CTNNA3: variants seen among roughly 807,000 people sequenced by gnomAD.
The protein encoded by CTNNA3 is catenin alpha 3, also known as catenin alpha-3.
In CTNNA3, 76 loss-of-function variants were observed where a neutral mutation model predicts 95.7. The observed-to-expected ratio is 0.79, with a 90% CI of 0.66 to 0.96. The LOEUF (loss-of-function observed/expected upper bound fraction) is 0.96, where lower values mean the gene tolerates loss of function less well. Ranked by LOEUF, CTNNA3 falls within the 40% of genes least tolerant of loss-of-function variation. The pLI is 0.00. For missense variants in CTNNA3, 1,191 were observed against 1,089.8 expected, an observed-to-expected ratio of 1.09 and a Z score of -1.31; for synonymous variants, 431 against 374.4, an observed-to-expected ratio of 1.15 and a Z score of -1.74.
Position 66,214,242 on chromosome 10 carries a change from G to A in CTNNA3, c.1884+66228C>T, listed in dbSNP as rs2088366093. 2.6e-5 allele frequency among the ~76,000 whole-genome samples: 4 copies of A among 152,166 alleles called. No individual in the cohort carries two copies. The South Asian group carries it at 8.3e-4, about 32-fold the overall frequency. ...AGGTGCCCATTGAAATCTGCAGCAT[G>A]CAGTCACACCTGCTTAAGTTGTGCT... On this transcript the variant is annotated intron_variant, in intron 13 of 17. Transcript: ENST00000433211.
At chr10:67,309,356 G>A (rs1840690073) in intron 5 of CTNNA3, among the ~76,000 whole-genome samples, 1 of 152,090 alleles carries the variant, frequency 6.6e-6, no homozygotes, top group Non-Finnish European at 1.5e-5. Context: ...TGATGTTTGT[G>A]GCAAGTCTAA....
At chr10:67,313,637 A>C (rs1428760161) in intron 5 of CTNNA3, among the ~76,000 whole-genome samples, 1 of 152,158 alleles carries the variant, frequency 6.6e-6, no homozygotes, top group African/African-American at 2.4e-5. Flanking sequence ...AATGCCAATT[A>C]GTGGAGCGTA....
intron 7 of CTNNA3, among the ~76,000 whole-genome samples, chr10:67,115,490 A>G (rs563273600): frequency 1.3e-5 from 2 of 151,678 alleles, no homozygotes; most frequent in Admixed American, 1.3e-4. Context: ...AAGTATAATA[A>G]TAATAAAAAA....
chr10:66,435,842 T>G (rs945707728), intron 11 of CTNNA3, among the ~76,000 whole-genome samples: 2 of 152,224 alleles, frequency 1.3e-5, no homozygotes, highest in Admixed American at 1.3e-4. Flanking sequence ...CTCTAAACAC[T>G]GCTTTAGCTG....
At chr10:66,872,728 G>A (rs770448925) in intron 7 of CTNNA3, among the ~76,000 whole-genome samples, 2 of 151,924 alleles carry the variant, frequency 1.3e-5, no homozygotes, top group African/African-American at 2.4e-5. Flanking sequence ...GGTGGTACAC[G>A]TGAAGGTTTG....
intron 3 of CTNNA3, among the ~76,000 whole-genome samples, chr10:67,554,070 C>G (rs925092366): frequency 1.4e-5 from 2 of 145,846 alleles, no homozygotes; most frequent in African/African-American, 5.6e-5. Flanking sequence ...TCATCCATGT[C>G]CCTACAAAGG....
Position 67,650,603 on chromosome 10 carries a change from A to G in CTNNA3, c.-5-3085T>C, listed in dbSNP as rs114064468. Among the ~76,000 whole-genome samples, 1,170 of 152,234 alleles carry G rather than the reference A, an allele frequency of 7.7e-3. 15 individuals carry two copies. The highest frequency in any genetic ancestry group is 0.027 in the African/African-American group (1,132 of 41,534). On this transcript the variant is annotated intron_variant, in intron 1 of 17. Transcript: ENST00000433211. ...CCCTGCTGGAAACTGAACTTTTATC[A>G]TTTTATATCAATTTTAAGTTCATTT...
At chr10:66,530,262 T>C (rs1013169349) in intron 10 of CTNNA3, among the ~76,000 whole-genome samples, 3 of 152,170 alleles carry the variant, frequency 2.0e-5, no homozygotes, top group African/African-American at 4.8e-5. Flanking sequence ...ACTAGATATA[T>C]GATGCCTCGA....
chr10:67,369,201 A>G (rs1197093682), intron 5 of CTNNA3, among the ~76,000 whole-genome samples: 4 of 152,236 alleles, frequency 2.6e-5, no homozygotes, highest in Non-Finnish European at 5.9e-5. Flanking sequence ...AGGAAGAATT[A>G]AAAATCCAAA....
At chr10:66,463,544 T>C (rs536439407) in intron 11 of CTNNA3, among the ~76,000 whole-genome samples, 2 of 152,172 alleles carry the variant, frequency 1.3e-5, no homozygotes, top group South Asian at 4.1e-4. Flanking sequence ...AATAGATCAC[T>C]CTGGGCTAAG....
intron 12 of CTNNA3, among the ~76,000 whole-genome samples, chr10:66,309,984 C>T (rs964489238): frequency 2.3e-4 from 34 of 150,518 alleles, no homozygotes; most frequent in African/African-American, 7.3e-4. Flanking sequence ...ATTAGCTAGG[C>T]GTGGTGGTGA....
At chr10:67,616,644 C>A (rs143591658) in intron 2 of CTNNA3, among the ~76,000 whole-genome samples, 5 of 152,192 alleles carry the variant, frequency 3.3e-5, no homozygotes, top group African/African-American at 1.2e-4. Context: ...GTAATATTTA[C>A]TAGTTGAGGA....
At chr10:66,030,422 A>G (rs2079427628) in intron 15 of CTNNA3, among the ~76,000 whole-genome samples, 1 of 152,196 alleles carries the variant, frequency 6.6e-6, no homozygotes, top group Non-Finnish European at 1.5e-5. Context: ...CAACCATTTG[A>G]ACATCAAAAA....
intron 15 of CTNNA3, among the ~76,000 whole-genome samples, chr10:66,033,161 C>T (rs1211067389): frequency 1.5e-5 from 2 of 131,536 alleles, no homozygotes; most frequent in African/African-American, 2.8e-5. Context: ...AGACGAGTCT[C>T]GCTCTGTCAC....
intron 15 of CTNNA3, among the ~76,000 whole-genome samples, chr10:66,046,505 C>A (rs1004591852): frequency 2.0e-5 from 3 of 152,082 alleles, no homozygotes; most frequent in Non-Finnish European, 4.4e-5. Flanking sequence ...TAAATGGCCA[C>A]ATCAAAATTT....
intron 13 of CTNNA3, among the ~76,000 whole-genome samples, chr10:66,140,801 A>C (rs1387522243): frequency 6.6e-6 from 1 of 152,154 alleles, no homozygotes; most frequent in Non-Finnish European, 1.5e-5. Context: ...TTTTCTTCTT[A>C]ATTGCTTGGA....
chr10:66,443,881 A>G (rs2093395955), intron 11 of CTNNA3, among the ~76,000 whole-genome samples: 1 of 152,186 alleles, frequency 6.6e-6, no homozygotes, highest in Admixed American at 6.5e-5. Context: ...ACTCCGAGCT[A>G]CAGGAGGAAA....
At chr10:67,322,902 C>A (rs1236839290) in intron 5 of CTNNA3, among the ~76,000 whole-genome samples, 5 of 152,074 alleles carry the variant, frequency 3.3e-5, no homozygotes, top group South Asian at 2.1e-4. Flanking sequence ...GACTTTTTAA[C>A]AATAGCCATT....
intron 11 of CTNNA3, among the ~76,000 whole-genome samples, chr10:66,443,130 G>A (rs1418296617): frequency 1.3e-5 from 2 of 152,154 alleles, no homozygotes; most frequent in Non-Finnish European, 2.9e-5. Context: ...TCATTGCCCA[G>A]GCTTGATTAG....
Sources: allele counts gnomAD v4.1 joint callset (sites outside exome capture counted in the v4.1 genomes callset), GRCh38; gene constraint gnomAD v4.1.1; transcripts MANE v1.5; gene names NCBI Gene and HGNC (gene_info 2026-07-23, HGNC 2026-07-21).